The following C3 variants were observed in gnomAD, a reference collection of about 807,000 sequenced individuals.
The protein encoded by C3 is C3 and PZP-like alpha-2-macroglobulin domain-containing protein 1.
A neutral mutation model predicts 207.9 loss-of-function variants in C3; 97 were observed. The ratio of observed to expected loss-of-function variants is 0.47; its 90% CI spans 0.40 to 0.55. The LOEUF is 0.55. C3 is among the 20% of genes least tolerant of loss of function. The probability of loss-of-function intolerance (pLI) is 0.00; values close to 1 mark genes in which losing one functional copy is unlikely to be tolerated. For synonymous variants in C3, 848 were observed against 857.6 expected, an observed-to-expected ratio of 0.99 and a Z score of 0.20; for missense variants, 1,684 against 2,171.7, an observed-to-expected ratio of 0.78 and a Z score of 4.46.
chr19:6,678,441 G>A lies in C3; in HGVS notation c.4645C>T (p.Leu1549=), dbSNP rs149202905. The change falls in exon 39 of 41, where the codon CTG becomes TTG. Residue 1549 remains leucine (L), a synonymous_variant. Transcript: ENST00000245907. ...TCATTGGACAGCTGAACCTTGACCAGTCGGGTCTTGTACACTGTGGGGGAG... is the reference window on the plus strand; with the variant it reads ...TCATTGGACAGCTGAACCTTGACCAATCGGGTCTTGTACACTGTGGGGGAG... ...PGVDYVYKTR[L]VKVQLSNDFD... is the part of the protein sequence containing the mutation. 386 of 1,613,984 alleles carry A rather than the reference G, an allele frequency of 2.4e-4. No individual in the cohort carries two copies. Among genetic ancestry groups the A allele is most frequent in the Non-Finnish European group, 3.1e-4 (360 of 1,180,004 alleles).
intron 36 of C3, among the ~76,000 whole-genome samples, chr19:6,679,699 C>T (rs575475940): frequency 6.6e-6 from 1 of 152,184 alleles, no homozygotes; most frequent in African/African-American, 2.4e-5. Flanking sequence ...ACTCTCAACT[C>T]ACAGAAGCCT....
intron 25 of C3, 42 bp from the exon 26 acceptor site, chr19:6,693,125 CAG>C (rs1384912422): frequency 1.9e-6 from 3 of 1,606,694 alleles, no homozygotes; most frequent in Non-Finnish European, 2.6e-6. Flanking sequence ...CTCTGAGATC[CAG>C]AGACTGCCAT....
Position 6,677,974 on chromosome 19 carries a change from C to T in C3, c.4900G>A (p.Glu1634Lys), listed in dbSNP as rs373087196. 6 of 1,614,004 alleles carry T rather than the reference C, an allele frequency of 3.7e-6. No homozygotes were observed. The highest frequency in any genetic ancestry group is 5.1e-6 in the Non-Finnish European group (6 of 1,180,026). Residue 1634 changes from glutamate (E) to lysine (K), a missense_variant, in exon 41 of 41, where the codon GAG becomes AAG. This residue lies in a region of C3 where 346 missense variants were observed against 380.1 expected (regional missense o/e 0.91). Transcript: ENST00000245907. The stretch of plus-strand genomic sequence containing the variant: ...TTCTCTTCGTCTTGGCATTCGTCCT[C>T]CTCGGGCCAGTGCTCCACCCAAGTG... ...KDTWVEHWPE[E>K]DECQDEENQK...
chr19:6,693,807 G>T (rs552615412), intron 24 of C3, among the ~76,000 whole-genome samples: 1 of 152,136 alleles, frequency 6.6e-6, no homozygotes, highest in South Asian at 2.1e-4. Context: ...TGGGGCCTCA[G>T]ATGAGAGTGG....
At chr19:6,700,056 A>C (rs1967610949) in intron 19 of C3, among the ~76,000 whole-genome samples, 1 of 147,498 alleles carries the variant, frequency 6.8e-6, no homozygotes, top group South Asian at 2.1e-4. Flanking sequence ...ATTACAACAA[A>C]ATTAAATTAT....
intron 23 of C3, 99 bp from the exon 24 acceptor site, chr19:6,694,733 G>A: frequency 9.1e-7 from 1 of 1,104,120 alleles, no homozygotes. Flanking sequence ...CCAGGGCCAA[G>A]GGGTTAGGGA....
chr19:6,707,369 C>T (rs1341380051), intron 16 of C3, 96 bp from the exon 17 acceptor site: 29 of 1,595,960 alleles, frequency 1.8e-5, no homozygotes, highest in Non-Finnish European at 2.4e-5. Context: ...TCCCCGCCGC[C>T]AGGGCCTCCC....
chr19:6,697,722 G>A lies in C3; in HGVS notation c.2513C>T (p.Ser838Phe). Residue 838 changes from serine (S) to phenylalanine (F), a missense_variant, in exon 20 of 41, where the codon TCT becomes TTT. Physicochemically the swap from Ser to Phe is radical, Grantham distance 155. This residue lies in a region of C3 where 1,280 missense variants were observed against 1,739.1 expected (regional missense o/e 0.74). Transcript: ENST00000245907. ...TTCCACCTGCTCGTTTCGAACAACA[G>A]AGTAGGGTAGCCGCAGGTCGATGAA... Reference protein sequence around the residue: ...DFFIDLRLPYSVVRNEQVEIR... With the variant: ...DFFIDLRLPYFVVRNEQVEIR... The A allele has an allele frequency of 6.2e-7, 1 of 1,614,110 alleles. No individual in the cohort carries two copies. The highest frequency in any genetic ancestry group is 1.7e-5 in the Admixed American group (1 of 60,012).
At position 6,679,976 on chromosome 19, in the gene C3, G is replaced by A. The variant is rs1326152276; in HGVS notation, c.4456+182C>T. ...AGACCATCATTCTCAGATCCCCTCAGAACCTCAGAACCTCAACTCATAGAT... is the reference window on the plus strand; with the variant it reads ...AGACCATCATTCTCAGATCCCCTCAAAACCTCAGAACCTCAACTCATAGAT... On this transcript the variant is annotated intron_variant, in intron 36 of 40. Transcript: ENST00000245907. The A allele has an allele frequency of 1.6e-5, 10 of 621,584 alleles. No individual in the cohort carries two copies. In the Admixed American group the frequency reaches 2.3e-4, roughly 14 times the overall value. 38.5% of individuals were successfully genotyped at this position (621,584 alleles called of 1,614,324 possible).
rs1312493931 is a variant in C3 at position 6,678,386 on chromosome 19, T to G, written c.4700A>C (p.Gln1567Pro). ...CTGAGCCTGACCTGACTTGATGGTC[T>G]GCTCAATGGCCATGATGTACTCGTC... ...DFDEYIMAIE[Q>P]TIKSGSDEVQ... The change falls in exon 39 of 41, where the codon CAG becomes CCG. Residue 1567 changes from glutamine (Q) to proline (P), a missense_variant. Transcript: ENST00000245907. 6.2e-7 allele frequency: 1 copy of G among 1,614,162 alleles called. No homozygotes were observed. Among genetic ancestry groups the G allele is most frequent in the South Asian group, 1.1e-5 (1 of 91,082 alleles).
At chr19:6,685,298 T>G in intron 29 of C3, 152 bp from the exon 30 acceptor site, 1 of 734,458 alleles carries the variant, frequency 1.4e-6, no homozygotes. Context: ...TGGAGGTCAC[T>G]GGACTCTGAG....
In C3 at chr19:6,677,860, G is replaced by C. The variant is rs371899248; in HGVS notation, c.*22C>G. On this transcript the variant is annotated 3_prime_UTR_variant, in exon 41 of 41. Transcript: ENST00000245907. ...TGAGATATAACTGAAGCTTTATCTG[G>C]AGTGGGGGAATGGGGGTGTGGTCAG... The C allele has an allele frequency of 1.8e-4, 294 of 1,613,616 alleles. 1 individual carries two copies. Among genetic ancestry groups the C allele is most frequent in the Non-Finnish European group, 2.3e-4 (268 of 1,179,974 alleles).
chr19:6,695,082 C>A (rs925182360), intron 23 of C3, among the ~76,000 whole-genome samples: 1 of 151,744 alleles, frequency 6.6e-6, no homozygotes, highest in Non-Finnish European at 1.5e-5. Flanking sequence ...ACCAGCCTGA[C>A]CAATATGGTG....
intron 23 of C3, among the ~76,000 whole-genome samples, chr19:6,694,938 C>T (rs577892197): frequency 6.6e-6 from 1 of 152,230 alleles, no homozygotes; most frequent in Admixed American, 6.5e-5. Context: ...ATGTTACTTT[C>T]CAGACTGTTC....
At chr19:6,709,932 C>T (rs1322579508) in intron 13 of C3, 90 bp from the exon 14 acceptor site, 1 of 1,166,252 alleles carries the variant, frequency 8.6e-7, no homozygotes, top group African/African-American at 1.9e-5. Flanking sequence ...AGTGGAAAGA[C>T]AGAAAGGTTG....
At chr19:6,691,136 C>G (rs1918156890) in intron 26 of C3, among the ~76,000 whole-genome samples, 1 of 151,196 alleles carries the variant, frequency 6.6e-6, no homozygotes, top group South Asian at 2.1e-4. Flanking sequence ...TCCCTGCAAC[C>G]TCCGCCTCCT....
Position 6,702,203 on chromosome 19 carries a change from C to T in C3, c.2364G>A (p.Thr788=), listed in dbSNP as rs372269796. Residue 788 remains threonine, a synonymous_variant, in exon 19 of 41, where the codon ACG becomes ACA. Coordinates refer to ENST00000245907, the MANE Select transcript of C3 (RefSeq NM_000064.4). ...CTTTCAAAAATATATTCATGAGCTT[C>T]GTAGAGATTCTGGATGGAGAAGAGG... ...LKEPPKNGIS[T]KLMNIFLKDS... 26 of 1,594,548 alleles carry T rather than the reference C, an allele frequency of 1.6e-5. No homozygotes were observed. Among genetic ancestry groups the T allele is most frequent in the East Asian group, 2.2e-5 (1 of 44,816 alleles).
rs768241258 is a variant in C3 at position 6,681,919 on chromosome 19, G to C, written c.4350+22C>G. 5.7e-5 allele frequency: 90 copies of C among 1,575,982 alleles called. 1 individual carries two copies. In the South Asian group the frequency reaches 9.7e-4, roughly 17 times the overall value. ...TCAGGGTGCCCCTGGAAGCCTCCCA[G>C]GGGAGGATGATGCAGCCTTACCTTG... On this transcript the variant is annotated intron_variant, in intron 35 of 40. Coordinates refer to ENST00000245907, the MANE Select transcript of C3 (RefSeq NM_000064.4).
chr19:6,718,430 A>T lies in C3; in HGVS notation c.268-18T>A. 1 of 1,613,998 alleles carries T rather than the reference A, an allele frequency of 6.2e-7. No individual in the cohort carries two copies. The highest frequency in any genetic ancestry group is 8.5e-7 in the Non-Finnish European group (1 of 1,179,984). ...GCTGGGATCTAGGCGTGGGCAGGGC[A>T]TTGTCAGGGGTCTGTTCCAAGGCCC... On this transcript the variant is annotated intron_variant, in intron 2 of 40. Coordinates refer to ENST00000245907, the MANE Select transcript of C3 (RefSeq NM_000064.4).
Sources: gnomAD v4.1 joint callset for allele counts (sites outside exome capture counted in the v4.1 genomes callset) on GRCh38, gnomAD v4.1.1 for gene constraint, gnomAD v4.1.1 regional missense constraint, MANE v1.5 for transcripts, NCBI Gene and HGNC (gene_info 2026-07-23, HGNC 2026-07-21) for gene names.